Variants in ADGRL2 observed in about 807,000 individuals in gnomAD.
ADGRL2 encodes the protein adhesion G protein-coupled receptor L2.
In ADGRL2, 44 loss-of-function variants were observed where a neutral mutation model predicts 157.4. The observed-to-expected ratio is 0.28, with a 90% CI of 0.22 to 0.36. ADGRL2 has a LOEUF of 0.36. Ranked by LOEUF, ADGRL2 falls within the 10% of genes least tolerant of loss-of-function variation. The pLI is 1.00. For missense variants in ADGRL2, 1,510 were observed against 1,768.9 expected, an observed-to-expected ratio of 0.85 and a Z score of 2.63; for synonymous variants, 585 against 624.7, an observed-to-expected ratio of 0.94 and a Z score of 0.95.
chr1:81,474,571 T>C (rs1453919587), intron 2 of ADGRL2, among the ~76,000 whole-genome samples: 2 of 152,178 alleles, frequency 1.3e-5, no homozygotes, highest in South Asian at 2.1e-4. Context: ...AAGTAGCTGG[T>C]ACATAAGGGG....
chr1:81,802,229 G>A (rs1003042452), intron 1 of ADGRL2, among the ~76,000 whole-genome samples: 3 of 152,068 alleles, frequency 2.0e-5, no homozygotes, highest in African/African-American at 7.2e-5. Context: ...CGCAGACGGA[G>A]GTAAGAGCCG....
chr1:81,427,273 T>C (rs2077235184), intron 1 of ADGRL2: 1 of 738,972 alleles, frequency 1.4e-6, no homozygotes, highest in Non-Finnish European at 2.5e-6. Flanking sequence ...AAGGAGGTGA[T>C]GGTGGATATA....
chr1:81,967,237 C>T (rs1657335409), intron 13 of ADGRL2, among the ~76,000 whole-genome samples: 1 of 149,830 alleles, frequency 6.7e-6, no homozygotes, highest in African/African-American at 2.4e-5. Flanking sequence ...GGTTATGGTA[C>T]TCATATCTGC....
At chr1:81,421,732 T>C (rs4336893) in intron 1 of ADGRL2, among the ~76,000 whole-genome samples, 71,137 of 151,662 alleles carry the variant, frequency 0.47, 17,285 homozygotes, top group Non-Finnish European at 0.54. Context: ...ATATATAGCC[T>C]TGTGATAAAA....
intron 1 of ADGRL2, among the ~76,000 whole-genome samples, chr1:81,395,214 A>C (rs1179468951): frequency 3.3e-5 from 5 of 152,068 alleles, no homozygotes; most frequent in African/African-American, 7.2e-5. Flanking sequence ...TCTCTTTGAT[A>C]ATAGCCATTC....
At chr1:81,604,131 T>C (rs1478398332) in intron 3 of ADGRL2, among the ~76,000 whole-genome samples, 4 of 151,862 alleles carry the variant, frequency 2.6e-5, no homozygotes, top group Non-Finnish European at 5.9e-5. Flanking sequence ...ACCCGGTTAA[T>C]TTTTTTTAAT....
intron 3 of ADGRL2, among the ~76,000 whole-genome samples, chr1:81,666,564 C>A (rs1304038745): frequency 6.6e-6 from 1 of 152,116 alleles, no homozygotes; most frequent in Non-Finnish European, 1.5e-5. Flanking sequence ...ACTGACCCTG[C>A]TAGTTCAACT....
chr1:81,325,399 C>T (rs1660826184), intron 1 of ADGRL2, among the ~76,000 whole-genome samples: 1 of 152,128 alleles, frequency 6.6e-6, no homozygotes, highest in Non-Finnish European at 1.5e-5. Flanking sequence ...TGTTGAATTT[C>T]AGCTATAAAG....
intron 2 of ADGRL2, among the ~76,000 whole-genome samples, chr1:81,843,606 ATGT>A (rs1329336943): frequency 6.6e-6 from 1 of 152,138 alleles, no homozygotes; most frequent in Non-Finnish European, 1.5e-5. Context: ...AAATTGTATG[ATGT>A]TGTTATCTTC....
At chr1:81,342,777 A>G (rs1662168145) in intron 1 of ADGRL2, among the ~76,000 whole-genome samples, 1 of 152,098 alleles carries the variant, frequency 6.6e-6, no homozygotes, top group African/African-American at 2.4e-5. Flanking sequence ...ATAGGTGAAA[A>G]AATCAAGACT....
In ADGRL2 at chr1:81,880,394, G is replaced by A. The variant is rs565662773; in HGVS notation, c.74-26623G>A. 5.8e-4 allele frequency among the ~76,000 whole-genome samples: 89 copies of A among 152,282 alleles called. 3 individuals carry two copies. The South Asian group carries it at 0.018, about 31-fold the overall frequency. ...CTTAACTGAGAGTTTTTCTTAGAAA[G>A]TAATTTTAAGATATTGATGCAGGTT... is the stretch of plus-strand genomic sequence containing the variant. On this transcript the variant is annotated intron_variant, in intron 2 of 23. Coordinates refer to ENST00000686636, the MANE Select transcript of ADGRL2 (RefSeq NM_001366006.2).
At chr1:81,821,234 A>G (rs537825774) in intron 1 of ADGRL2, among the ~76,000 whole-genome samples, 8 of 152,304 alleles carry the variant, frequency 5.3e-5, no homozygotes, top group Non-Finnish European at 1.2e-4. Context: ...AATCTTAACA[A>G]GTCCATTGTC....
chr1:81,803,710 T>C (rs147755236), intron 1 of ADGRL2, among the ~76,000 whole-genome samples: 1 of 152,226 alleles, frequency 6.6e-6, no homozygotes, highest in South Asian at 2.1e-4. Flanking sequence ...ACCAACCATA[T>C]GGTTCCCGTT....
intron 3 of ADGRL2, among the ~76,000 whole-genome samples, chr1:81,931,148 C>CA (rs1317709314): frequency 2.6e-5 from 4 of 151,858 alleles, no homozygotes; most frequent in African/African-American, 9.7e-5. Context: ...GGCTTTGTCT[C>CA]AAAAAAACCA....
At chr1:81,390,945 T>A (rs1236386618) in intron 1 of ADGRL2, among the ~76,000 whole-genome samples, 1 of 152,304 alleles carries the variant, frequency 6.6e-6, no homozygotes, top group Non-Finnish European at 1.5e-5. Flanking sequence ...CTTTTGCAGC[T>A]GCTGCGTCAT....
intron 1 of ADGRL2, among the ~76,000 whole-genome samples, chr1:81,744,486 G>T (rs1023678334): frequency 2.0e-5 from 3 of 152,102 alleles, no homozygotes; most frequent in Non-Finnish European, 4.4e-5. Context: ...TAACCACTAC[G>T]CCCTCTGTGT....
chr1:81,569,244 CAG>C (rs987254743), intron 2 of ADGRL2, among the ~76,000 whole-genome samples: 23 of 152,116 alleles, frequency 1.5e-4, no homozygotes, highest in East Asian at 1.2e-3. Context: ...CACTGTGAGA[CAG>C]AGAGAATTTT....
chr1:81,923,918 G>A (rs1163636371), intron 3 of ADGRL2, among the ~76,000 whole-genome samples: 1 of 152,148 alleles, frequency 6.6e-6, no homozygotes, highest in East Asian at 1.9e-4. Flanking sequence ...AGTTTACCGT[G>A]TAATTCTAGA....
chr1:81,668,709 T>G (rs2082804411), intron 3 of ADGRL2, among the ~76,000 whole-genome samples: 1 of 150,508 alleles, frequency 6.6e-6, no homozygotes, highest in Non-Finnish European at 1.5e-5. Flanking sequence ...ATTACAGGCA[T>G]GTGCCACCAG....
Sources: allele counts gnomAD v4.1 joint callset (sites outside exome capture counted in the v4.1 genomes callset), GRCh38; gene constraint gnomAD v4.1.1; transcripts MANE v1.5; gene names NCBI Gene and HGNC (gene_info 2026-07-23, HGNC 2026-07-21).